Variants in WWC1 observed in about 807,000 individuals in gnomAD.
WWC1 encodes the protein protein KIBRA.
A neutral mutation model predicts 138.4 loss-of-function variants in WWC1; 55 were observed. The observed-to-expected ratio is 0.40, with a 90% CI of 0.32 to 0.50. The LOEUF (loss-of-function observed/expected upper bound fraction) is 0.50. Ranked by LOEUF, WWC1 falls within the 20% of genes least tolerant of loss-of-function variation. The pLI is 0.72. For missense variants in WWC1, 1,226 were observed against 1,420.4 expected, an observed-to-expected ratio of 0.86 and a Z score of 2.20; for synonymous variants, 524 against 564.9, an observed-to-expected ratio of 0.93 and a Z score of 1.03.
intron 2 of WWC1, among the ~76,000 whole-genome samples, chr5:168,382,739 C>G (rs1024520574): frequency 1.3e-5 from 2 of 152,076 alleles, no homozygotes; most frequent in Non-Finnish European, 2.9e-5. Context: ...GTTCCTGCCT[C>G]TTGTTTGGTT....
intron 1 of WWC1, among the ~76,000 whole-genome samples, chr5:168,313,608 A>AG (rs1409299447): frequency 4.6e-5 from 7 of 151,848 alleles, no homozygotes; most frequent in African/African-American, 1.7e-4. Context: ...AAAAAAAAAA[A>AG]GCAGAATCCC....
At chr5:168,382,688 G>C (rs755813) in intron 2 of WWC1, among the ~76,000 whole-genome samples, 53,291 of 151,814 alleles carry the variant, frequency 0.35, 9,641 homozygotes, top group South Asian at 0.45. Context: ...TTCCATCTCC[G>C]CCTTGTTTTT....
intron 2 of WWC1, among the ~76,000 whole-genome samples, chr5:168,373,701 T>A: frequency 9.2e-6 from 1 of 108,452 alleles, no homozygotes; most frequent in African/African-American, 3.6e-5. Context: ...CTGGGCAACA[T>A]AGCAAGGCCT....
chr5:168,347,352 G>A (rs867933543), intron 1 of WWC1, among the ~76,000 whole-genome samples: 1 of 152,184 alleles, frequency 6.6e-6, no homozygotes, highest in Non-Finnish European at 1.5e-5. Context: ...AGGCTCGCAA[G>A]GGTCTCTTCC....
At chr5:168,301,470 T>C (rs1770068240) in intron 1 of WWC1, among the ~76,000 whole-genome samples, 1 of 152,098 alleles carries the variant, frequency 6.6e-6, no homozygotes, top group South Asian at 2.1e-4. Flanking sequence ...ACACCATCTC[T>C]ACTAAATATA....
chr5:168,430,000 A>G, intron 13 of WWC1, 137 bp from the exon 14 acceptor site: 1 of 651,680 alleles, frequency 1.5e-6, no homozygotes, highest in Non-Finnish European at 2.7e-6. Context: ...GCAGCAAAGC[A>G]CTGGGCCTGT....
intron 1 of WWC1, among the ~76,000 whole-genome samples, chr5:168,343,310 C>T (rs1457123706): frequency 6.6e-6 from 1 of 152,120 alleles, no homozygotes; most frequent in African/African-American, 2.4e-5. Context: ...GTGGGGCAGG[C>T]ACTGTGCTAA....
At chr5:168,314,211 A>G (rs116516633) in intron 1 of WWC1, among the ~76,000 whole-genome samples, 4,346 of 133,794 alleles carry the variant, frequency 0.032, 212 homozygotes, top group African/African-American at 0.11. Flanking sequence ...TGGAGTCTAC[A>G]ATAAGTTTCC....
chr5:168,367,260 G>A (rs374734404), intron 1 of WWC1, among the ~76,000 whole-genome samples: 2 of 152,124 alleles, frequency 1.3e-5, no homozygotes, highest in East Asian at 3.8e-4. Flanking sequence ...TTCACCTTCT[G>A]TATCTCTAGC....
At chr5:168,393,016 A>T (rs1458600033) in intron 3 of WWC1, among the ~76,000 whole-genome samples, 1 of 152,172 alleles carries the variant, frequency 6.6e-6, no homozygotes, top group Non-Finnish European at 1.5e-5. Flanking sequence ...GGAAATTAAA[A>T]TATGAGAGTA....
chr5:168,305,104 A>T (rs1000405875), intron 1 of WWC1, among the ~76,000 whole-genome samples: 1 of 151,226 alleles, frequency 6.6e-6, no homozygotes. Context: ...AATTACAGGC[A>T]TGAGCCACTG....
Position 168,471,433 on chromosome 5 carries a change from C to G in WWC1, c.*2416C>G, listed in dbSNP as rs1490552815. 6.6e-6 allele frequency: 1 copy of G among 152,280 alleles called. No homozygotes were observed. The highest frequency in any genetic ancestry group is 1.5e-5 in the Non-Finnish European group (1 of 68,076). The allele number at this position is 152,280 out of a possible 1,614,324, so 9.4% of individuals were successfully genotyped here. On this transcript the variant is annotated 3_prime_UTR_variant, in exon 23 of 23. Coordinates refer to ENST00000265293, the MANE Select transcript of WWC1 (RefSeq NM_015238.3). The stretch of plus-strand genomic sequence containing the variant: ...ATATGAGTATCAATCAACACCTTCC[C>G]CAACTCAATTGTACTAGGTTGTAGA...
intron 1 of WWC1, among the ~76,000 whole-genome samples, chr5:168,346,271 C>A (rs1326840038): frequency 1.3e-5 from 2 of 152,134 alleles, no homozygotes; most frequent in East Asian, 3.9e-4. Flanking sequence ...TAAGGAGATA[C>A]AAGATACTTA....
intron 8 of WWC1, chr5:168,411,966 T>G: frequency 3.0e-6 from 3 of 984,518 alleles, no homozygotes; most frequent in Non-Finnish European, 3.6e-6. Flanking sequence ...TGAATACTGG[T>G]CAGGTAGAAA....
intron 9 of WWC1, 29 bp from the exon 10 acceptor site, chr5:168,421,979 C>T: frequency 6.3e-7 from 1 of 1,586,934 alleles, no homozygotes; most frequent in African/African-American, 1.3e-5. Flanking sequence ...CCTTTTGGTG[C>T]ATCCCTCGCA....
At chr5:168,447,427 C>T (rs554417009) in intron 17 of WWC1, among the ~76,000 whole-genome samples, 90 of 152,242 alleles carry the variant, frequency 5.9e-4, no homozygotes, top group Non-Finnish European at 9.0e-4. Context: ...TGAAAGCAGC[C>T]GTAGACAGTA....
intron 1 of WWC1, among the ~76,000 whole-genome samples, chr5:168,338,310 CA>C (rs201532417): frequency 0.048 from 5,972 of 125,424 alleles, 538 homozygotes; most frequent in Admixed American, 0.23. Context: ...GACTTTGCCT[CA>C]AAAAAAAAAA....
chr5:168,416,312 TGGGAGA>T (rs929051912), intron 9 of WWC1: 1 of 152,176 alleles, frequency 6.6e-6, no homozygotes, highest in African/African-American at 2.4e-5. Flanking sequence ...CACCAGTTGG[TGGGAGA>T]AGGAGAAGGA....
At chr5:168,326,216 C>CTTTTTTTTTTTTTTTTTTTTTTTTTTTT (rs796347858) in intron 1 of WWC1, among the ~76,000 whole-genome samples, 7 of 113,286 alleles carry the variant, frequency 6.2e-5, no homozygotes, top group African/African-American at 2.4e-4. Context: ...ACCTGATAGT[C>CTTTTTTTTTTTTTTTTTTTTTTTTTTTT]TTTTTTTTTT....
Sources: allele counts gnomAD v4.1 joint callset (sites outside exome capture counted in the v4.1 genomes callset), GRCh38; gene constraint gnomAD v4.1.1; transcripts MANE v1.5; gene names NCBI Gene and HGNC (gene_info 2026-07-23, HGNC 2026-07-21).